Variants in SRCAP observed in about 807,000 individuals in gnomAD.
The protein encoded by SRCAP is chromatin remodeling protein SRCAP.
SRCAP carries 46 observed loss-of-function variants against 263.1 expected under a neutral mutation model. The ratio of observed to expected loss-of-function variants is 0.17; its 90% CI spans 0.14 to 0.22. The LOEUF is 0.22. Among genes scored for constraint, SRCAP ranks in the 10% least tolerant of loss-of-function variants. SRCAP has a pLI of 1.00. For synonymous variants in SRCAP, 1,813 were observed against 1,662.1 expected, an observed-to-expected ratio of 1.09 and a Z score of -2.21; for missense variants, 3,695 against 4,181.9, an observed-to-expected ratio of 0.88 and a Z score of 3.21.
At position 30,739,495 on chromosome 16, in the gene SRCAP, C is replaced by G. The variant is rs201223119; in HGVS notation, c.9455C>G (p.Ala3152Gly). ...GAPVGGSPGL[A>G]KRGRLQPPSP... ...CCAGTTGGTGGGAGTCCTGGGCTGG[C>G]AAAGCGGGGCCGCCTACAGCCCCCA... The change falls in exon 34 of 34, where the codon GCA (alanine) becomes GGA (glycine). Residue 3152 changes from alanine (A) to glycine (G), a missense_variant. This residue lies in a region of SRCAP where 1,207 missense variants were observed against 1,142.9 expected (regional missense o/e 1.06). Coordinates refer to ENST00000262518, the MANE Select transcript of SRCAP (RefSeq NM_006662.3). The G allele has an allele frequency of 4.4e-5, 71 of 1,613,590 alleles. No homozygotes were observed. In the East Asian group the frequency reaches 1.6e-3, roughly 36 times the overall value.
chr16:30,710,087 C>G lies in SRCAP; in HGVS notation c.1093C>G (p.Pro365Ala). Residue 365 changes from proline (P) to alanine (A), a missense_variant, in exon 8 of 34, where the codon CCT (proline) becomes GCT (alanine). Coordinates refer to ENST00000262518, the MANE Select transcript of SRCAP (RefSeq NM_006662.3). ...SSHDSDTRDGPEEGAEEEPPQ... is the reference protein window; with the variant it reads ...SSHDSDTRDGAEEGAEEEPPQ... Reference sequence around the variant, plus strand: ...TCATGATAGTGACACCCGAGATGGGCCTGAAGAAGGTGCTGAAGAAGAGCC... The same window carrying G: ...TCATGATAGTGACACCCGAGATGGGGCTGAAGAAGGTGCTGAAGAAGAGCC... 4 of 1,614,024 alleles carry G rather than the reference C, an allele frequency of 2.5e-6. No individual in the cohort carries two copies. The highest frequency in any genetic ancestry group is 3.4e-6 in the Non-Finnish European group (4 of 1,180,024).
At chr16:30,730,998 T>C (rs183401230) in intron 27 of SRCAP, among the ~76,000 whole-genome samples, 1 of 152,330 alleles carries the variant, frequency 6.6e-6, no homozygotes, top group Non-Finnish European at 1.5e-5. Flanking sequence ...CTTTCTACCC[T>C]GCTGTACCAT....
intron 18 of SRCAP, 50 bp from the exon 19 acceptor site, chr16:30,720,112 A>C: frequency 1.3e-6 from 2 of 1,571,826 alleles, no homozygotes; most frequent in Non-Finnish European, 1.7e-6. Context: ...TGCGTTGCAA[A>C]GGATGTGATT....
Position 30,733,293 on chromosome 16 carries a change from G to A in SRCAP, c.6141G>A (p.Thr2047=), listed in dbSNP as rs774921093. 1.7e-5 allele frequency: 28 copies of A among 1,613,912 alleles called. No homozygotes were observed. In the East Asian group the frequency reaches 1.8e-4, roughly 10 times the overall value. ...LIQYDCGKLQ[T]LAVLLRQLKA... ...ATATCTCTTTAGGAAAGTTGCAGAC[G>A]TTGGCAGTGCTGTTGCGGCAGCTCA... Residue 2047 remains threonine, a synonymous_variant, in exon 28 of 34, where the codon ACG becomes ACA. Coordinates refer to ENST00000262518, the MANE Select transcript of SRCAP (RefSeq NM_006662.3). This position sits in a 1 kb window ranked among gnomAD's most constrained non-coding sequence, Gnocchi z 5.3.
chr16:30,722,188 G>T lies in SRCAP; in HGVS notation c.3608G>T (p.Gly1203Val). The T allele has an allele frequency of 6.2e-7, 1 of 1,614,172 alleles. No homozygotes were observed. The highest frequency in any genetic ancestry group is 8.5e-7 in the Non-Finnish European group (1 of 1,180,030). Residue 1203 changes from glycine to valine, a missense_variant, in exon 22 of 34, where the codon GGA becomes GTA. This residue lies in a region of SRCAP where 1,347 missense variants were observed against 1,304.4 expected (regional missense o/e 1.03). Coordinates refer to ENST00000262518, the MANE Select transcript of SRCAP (RefSeq NM_006662.3). ...CAACGTCCAGTGGCTAATGCAGGGG[G>T]AAGCAAACCTCTCACCTTCCAAATC... ...LAQRPVANAG[G>V]SKPLTFQIQG...
At chr16:30,734,174 C>A in intron 30 of SRCAP, 166 bp downstream of exon 30, 2 of 679,044 alleles carry the variant, frequency 2.9e-6, no homozygotes, top group East Asian at 5.6e-5. Context: ...GAAACCCTGT[C>A]TCTACTAAAA....
chr16:30,714,012 C>T (rs984019943), intron 16 of SRCAP, among the ~76,000 whole-genome samples: 3 of 150,458 alleles, frequency 2.0e-5, no homozygotes, highest in African/African-American at 7.4e-5. Flanking sequence ...ATTCTCCTGC[C>T]TCAGCCTCCC....
At chr16:30,705,246 CCT>C (rs113273113) in intron 4 of SRCAP, among the ~76,000 whole-genome samples, 486 of 152,008 alleles carry the variant, frequency 3.2e-3, no homozygotes, top group African/African-American at 0.011. Flanking sequence ...GTTGCAGTGA[CCT>C]GAGATGATGC....
intron 27 of SRCAP, among the ~76,000 whole-genome samples, chr16:30,730,934 C>T (rs901466827): frequency 9.9e-5 from 15 of 152,172 alleles, no homozygotes; most frequent in Middle Eastern, 3.2e-3. Context: ...TTCCAAAGTG[C>T]TGGGATTACA....
Position 30,737,887 on chromosome 16 carries a change from T to G in SRCAP, c.7847T>G (p.Ile2616Ser). ...AGCCTGACCTTGGAGGCTGGCAGCA[T>G]CCCCAATGGTCAAGAGCAGGAGGCA... ...APSLTLEAGS[I>S]PNGQEQEAPD... The change falls in exon 34 of 34, where the codon ATC becomes AGC. Residue 2616 changes from isoleucine to serine, a missense_variant. Transcript: ENST00000262518. 1 of 1,614,132 alleles carries G rather than the reference T, an allele frequency of 6.2e-7. No homozygotes were observed. Among genetic ancestry groups the G allele is most frequent in the South Asian group, 1.1e-5 (1 of 91,088 alleles).
chr16:30,727,160 C>T (rs927946106), intron 25 of SRCAP, among the ~76,000 whole-genome samples: 1 of 151,958 alleles, frequency 6.6e-6, no homozygotes, highest in African/African-American at 2.4e-5. Flanking sequence ...TGATTATAGC[C>T]ATCCTGCTGG....
chr16:30,724,706 G>C lies in SRCAP; in HGVS notation c.5282G>C (p.Gly1761Ala), dbSNP rs767130314. 26 of 1,613,696 alleles carry C rather than the reference G, an allele frequency of 1.6e-5. No individual in the cohort carries two copies. The highest frequency in any genetic ancestry group is 2.1e-5 in the Non-Finnish European group (25 of 1,179,974). The change falls in exon 25 of 34, where the codon GGC (glycine) becomes GCC (alanine). Residue 1761 changes from glycine to alanine, a missense_variant. Physicochemically the swap from Gly to Ala is moderately conservative, Grantham distance 60. Around this residue, in one of 12 missense-constraint regions of SRCAP, gnomAD observed 1,347 missense variants for 1,304.4 expected, o/e 1.03. Transcript: ENST00000262518. ...APPLAPASPVGPAPAHTLTLA... is the reference protein window; with the variant it reads ...APPLAPASPVAPAPAHTLTLA... ...CCTCTGGCTCCAGCTTCTCCAGTGGGCCCAGCCCCAGCTCACACGCTGACT... is the reference window on the plus strand; with the variant it reads ...CCTCTGGCTCCAGCTTCTCCAGTGGCCCCAGCCCCAGCTCACACGCTGACT...
At position 30,699,175 on chromosome 16, in the gene SRCAP, G is replaced by A; in HGVS notation, c.-351G>A. ...AGAGGTCAGGGGTCACGCGAGGTCAGTCCGTCGGGAGGGCTAGGGAGATGG... is the reference window on the plus strand; with the variant it reads ...AGAGGTCAGGGGTCACGCGAGGTCAATCCGTCGGGAGGGCTAGGGAGATGG... On this transcript the variant is annotated 5_prime_UTR_variant, in exon 1 of 34. Coordinates refer to ENST00000262518, the MANE Select transcript of SRCAP (RefSeq NM_006662.3). 2.5e-6 allele frequency: 1 copy of A among 398,782 alleles called. No homozygotes were observed. Among genetic ancestry groups the A allele is most frequent in the Non-Finnish European group, 4.4e-6 (1 of 226,172 alleles). 24.7% of individuals were successfully genotyped at this position (398,782 alleles called of 1,614,324 possible).
intron 6 of SRCAP, among the ~76,000 whole-genome samples, chr16:30,707,980 C>T (rs2052846031): frequency 6.6e-6 from 1 of 152,206 alleles, no homozygotes; most frequent in African/African-American, 2.4e-5. Flanking sequence ...TGCCACTTAG[C>T]ACATGCTTAA....
rs201916514 is a variant in SRCAP, at chr16:30,737,563, C to T, written c.7523C>T (p.Pro2508Leu). 31 of 1,614,084 alleles carry T rather than the reference C, an allele frequency of 1.9e-5. No individual in the cohort carries two copies. The Admixed American group carries it at 4.7e-4, about 24-fold the overall frequency. ...ACTPPPACTP[P>L]PAHTPPPAQT... is the part of the protein sequence containing the mutation. ...ACCCCTCCTCCTGCCTGTACCCCTC[C>T]ACCAGCTCATACACCGCCTCCAGCC... is the stretch of plus-strand genomic sequence containing the variant. Residue 2508 changes from proline to leucine, a missense_variant, in exon 34 of 34, where the codon CCA becomes CTA. Pro to Leu is a moderately conservative substitution (Grantham distance 98, BLOSUM62 -3). Coordinates refer to ENST00000262518, the MANE Select transcript of SRCAP (RefSeq NM_006662.3).
intron 3 of SRCAP, among the ~76,000 whole-genome samples, chr16:30,702,282 G>C (rs1222994089): frequency 6.7e-6 from 1 of 148,542 alleles, no homozygotes; most frequent in Non-Finnish European, 1.5e-5. Flanking sequence ...GCCCAGGCTG[G>C]AGTGCAGTGG....
intron 30 of SRCAP, 149 bp downstream of exon 30, chr16:30,734,157 A>G: frequency 1.4e-6 from 1 of 710,596 alleles, no homozygotes; most frequent in Non-Finnish European, 2.3e-6. Flanking sequence ...AGGCTGGCCA[A>G]CATGATGAAA....
In SRCAP at chr16:30,739,859, CT is replaced by C; in HGVS notation, c.*128del. ...CCAGGGAGACATAGGGGCCTTCTCC[CT>C]TCTTCCCACCAAAGTAGGGGGTAGG... On this transcript the variant is annotated 3_prime_UTR_variant, in exon 34 of 34. Coordinates refer to ENST00000262518, the MANE Select transcript of SRCAP (RefSeq NM_006662.3). The C allele has an allele frequency of 7.3e-7, 1 of 1,372,852 alleles. No homozygotes were observed. The highest frequency in any genetic ancestry group is 1.8e-5 in the South Asian group (1 of 56,766). 85.0% of individuals were successfully genotyped at this position (1,372,852 alleles called of 1,614,324 possible).
chr16:30,721,220 G>A lies in SRCAP; in HGVS notation c.3285G>A (p.Gly1095=), dbSNP rs773865692. 1 of 1,612,970 alleles carries A rather than the reference G, an allele frequency of 6.2e-7. No homozygotes were observed. The highest frequency in any genetic ancestry group is 2.2e-5 in the East Asian group (1 of 44,852). The change falls in exon 21 of 34, where the codon GGG becomes GGA. Residue 1095 remains glycine (G), a synonymous_variant. Coordinates refer to ENST00000262518, the MANE Select transcript of SRCAP (RefSeq NM_006662.3). ...CATCCCCCCTGGGGGTCCTGAGTGGGACCTCACGGCCTCCCACGCCAACCT... is the reference window on the plus strand; with the variant it reads ...CATCCCCCCTGGGGGTCCTGAGTGGAACCTCACGGCCTCCCACGCCAACCT... ...VLPSPLGVLS[G]TSRPPTPTLS...
Sources: gnomAD v4.1 joint callset for allele counts (sites outside exome capture counted in the v4.1 genomes callset) on GRCh38, gnomAD v4.1.1 for gene constraint, gnomAD v4.1.1 regional missense constraint, Gnocchi (gnomAD v3.1) non-coding constraint, MANE v1.5 for transcripts, NCBI Gene and HGNC (gene_info 2026-07-23, HGNC 2026-07-21) for gene names.